KIAA1328: variants seen among roughly 807,000 people sequenced by gnomAD.
KIAA1328 encodes KIAA1328.
Under a neutral mutation model 68.1 loss-of-function variants are expected in KIAA1328, and 52 were observed. The ratio of observed to expected loss-of-function variants is 0.76; its 90% CI spans 0.61 to 0.96. KIAA1328 has a LOEUF of 0.96. Ranked by LOEUF, KIAA1328 falls within the 40% of genes least tolerant of loss-of-function variation. KIAA1328 has a pLI of 0.00. For missense variants in KIAA1328, 641 were observed against 677.6 expected (o/e 0.95, Z 0.60); for synonymous variants, 232 against 239.4 (o/e 0.97, Z 0.28).
intron 5 of KIAA1328, chr18:36,886,112 A>C (rs73417109): frequency 0.076 from 12,210 of 159,810 alleles, 1,611 homozygotes; most frequent in African/African-American, 0.27. Context: ...TGCCATTTCT[A>C]GGCAATCAGA....
At chr18:37,206,851 CA>C (rs2060225358) in intron 9 of KIAA1328, among the ~76,000 whole-genome samples, 1 of 152,152 alleles carries the variant, frequency 6.6e-6, no homozygotes, top group Admixed American at 6.5e-5. Context: ...TGGAGGCTAG[CA>C]CCAGCCATCT....
At chr18:36,908,188 T>C (rs896149202) in intron 5 of KIAA1328, among the ~76,000 whole-genome samples, 1 of 152,178 alleles carries the variant, frequency 6.6e-6, no homozygotes, top group African/African-American at 2.4e-5. Context: ...TAAAACTTAG[T>C]TGTTTTCTTC....
chr18:37,200,856 T>C (rs1416268287), intron 9 of KIAA1328, among the ~76,000 whole-genome samples: 2 of 151,150 alleles, frequency 1.3e-5, no homozygotes, highest in Non-Finnish European at 3.0e-5. Context: ...ATTTCTCAGA[T>C]AAAAATTTCT....
At chr18:36,912,971 A>G (rs1568155925) in intron 5 of KIAA1328, among the ~76,000 whole-genome samples, 1 of 152,180 alleles carries the variant, frequency 6.6e-6, no homozygotes, top group Non-Finnish European at 1.5e-5. Context: ...TCAATTTCAT[A>G]ATCCAGCCTG....
chr18:37,215,185 T>C (rs1431481732), intron 9 of KIAA1328, among the ~76,000 whole-genome samples: 2 of 152,198 alleles, frequency 1.3e-5, no homozygotes, highest in Non-Finnish European at 2.9e-5. Context: ...TCCAACACTA[T>C]GTTGAATAGG....
At chr18:36,937,316 A>C (rs1417476993) in intron 5 of KIAA1328, among the ~76,000 whole-genome samples, 1 of 151,646 alleles carries the variant, frequency 6.6e-6, no homozygotes, top group East Asian at 1.9e-4. Flanking sequence ...ACTTCATGAC[A>C]AAAACGCCAA....
intron 6 of KIAA1328, among the ~76,000 whole-genome samples, chr18:37,065,741 C>T (rs2056316230): frequency 6.6e-6 from 1 of 152,152 alleles, no homozygotes; most frequent in Non-Finnish European, 1.5e-5. Flanking sequence ...AAGTGTCTAC[C>T]TTCATGGGCA....
intron 6 of KIAA1328, among the ~76,000 whole-genome samples, chr18:36,959,864 A>T (rs1481930348): frequency 6.6e-6 from 1 of 152,216 alleles, no homozygotes; most frequent in African/African-American, 2.4e-5. Context: ...GAATATTAGG[A>T]TATTTTGCAT....
At chr18:36,907,030 G>A (rs72887051) in intron 5 of KIAA1328, among the ~76,000 whole-genome samples, 20,674 of 151,950 alleles carry the variant, frequency 0.14, 1,750 homozygotes, top group Admixed American at 0.18. Context: ...CAGACCGTAC[G>A]TCTGTTGTCA....
chr18:36,936,899 G>A (rs540673256), intron 5 of KIAA1328, among the ~76,000 whole-genome samples: 1 of 152,204 alleles, frequency 6.6e-6, no homozygotes, highest in Admixed American at 6.5e-5. Context: ...GTATAGCCAA[G>A]ATAATCCTAA....
intron 3 of KIAA1328, among the ~76,000 whole-genome samples, chr18:36,842,251 C>T (rs1226329556): frequency 6.6e-6 from 1 of 152,110 alleles, no homozygotes; most frequent in African/African-American, 2.4e-5. Context: ...GGACACCAAC[C>T]CGGCTGGTAC....
chr18:36,850,183 CA>C (rs138099961), intron 4 of KIAA1328, among the ~76,000 whole-genome samples: 3,102 of 151,966 alleles, frequency 0.02, 57 homozygotes, highest in Non-Finnish European at 0.035. Context: ...CTTTGAAGTA[CA>C]AAAGAAAAGG....
At chr18:37,108,380 C>T (rs1025104280) in intron 7 of KIAA1328, among the ~76,000 whole-genome samples, 3 of 144,624 alleles carry the variant, frequency 2.1e-5, no homozygotes, top group African/African-American at 5.1e-5. Context: ...GGGGAGGGGG[C>T]GGGTAGTTAA....
At chr18:36,978,649 ATATAG>A (rs1386695584) in intron 6 of KIAA1328, among the ~76,000 whole-genome samples, 1 of 152,204 alleles carries the variant, frequency 6.6e-6, no homozygotes, top group Non-Finnish European at 1.5e-5. Flanking sequence ...ATTAATAGAA[ATATAG>A]TATACTGTAT....
intron 6 of KIAA1328, among the ~76,000 whole-genome samples, chr18:36,960,675 T>G (rs1427709760): frequency 2.0e-5 from 3 of 152,088 alleles, no homozygotes; most frequent in Non-Finnish European, 2.9e-5. Context: ...GCAAACAGGG[T>G]CTGGAGTGGA....
At chr18:37,167,088 G>A (rs931054356) in intron 8 of KIAA1328, among the ~76,000 whole-genome samples, 14 of 152,094 alleles carry the variant, frequency 9.2e-5, no homozygotes, top group African/African-American at 2.4e-4. Context: ...TATCTCCCTC[G>A]CAGGTTGTGT....
chr18:36,952,967 GA>G (rs1255118252), intron 5 of KIAA1328, among the ~76,000 whole-genome samples: 1 of 148,046 alleles, frequency 6.8e-6, no homozygotes. Context: ...TAGAAAGAGA[GA>G]AACACAAAAA....
At chr18:37,020,067 G>C (rs770213489) in intron 6 of KIAA1328, among the ~76,000 whole-genome samples, 1 of 152,204 alleles carries the variant, frequency 6.6e-6, no homozygotes, top group African/African-American at 2.4e-5. Flanking sequence ...CTGCACAGGT[G>C]GGGTGGGGTG....
At chr18:37,116,250 A>G (rs1373062762) in intron 7 of KIAA1328, among the ~76,000 whole-genome samples, 4 of 152,336 alleles carry the variant, frequency 2.6e-5, no homozygotes, top group Non-Finnish European at 5.9e-5. Context: ...ATGCTACCTG[A>G]CTTCAAACTA....
Sources: allele counts gnomAD v4.1 joint callset (sites outside exome capture counted in the v4.1 genomes callset), GRCh38; gene constraint gnomAD v4.1.1; transcripts MANE v1.5; gene names NCBI Gene and HGNC (gene_info 2026-07-23, HGNC 2026-07-21).